Variants in CADM2 observed in about 807,000 individuals in gnomAD.
CADM2 encodes the protein cell adhesion molecule 2, also known as immunoglobulin superfamily member 4D.
CADM2 carries 12 observed loss-of-function variants against 49.8 expected under a neutral mutation model. The observed-to-expected ratio is 0.24, with a 90% CI of 0.15 to 0.39. The LOEUF (loss-of-function observed/expected upper bound fraction) is 0.39, where lower values mean the gene tolerates loss of function less well. Ranked by LOEUF, CADM2 falls within the 10% of genes least tolerant of loss-of-function variation. The probability of loss-of-function intolerance (pLI) is 1.00; values close to 1 mark genes in which losing one functional copy is unlikely to be tolerated. For missense variants in CADM2, 378 were observed against 492.3 expected, an observed-to-expected ratio of 0.77 and a Z score of 2.20; for synonymous variants, 214 against 175.4, an observed-to-expected ratio of 1.22 and a Z score of -1.74.
At chr3:85,212,812 CT>C (rs2041810398) in intron 1 of CADM2, among the ~76,000 whole-genome samples, 5 of 102,542 alleles carry the variant, frequency 4.9e-5, no homozygotes, top group South Asian at 3.7e-4. Context: ...TCTTTTTCTT[CT>C]CTTTCTTTCT....
At position 86,071,311 on chromosome 3, in the gene CADM2, C is replaced by T. The variant is rs1739844692; in HGVS notation, c.*4528C>T. 6.6e-6 allele frequency: 1 copy of T among 151,718 alleles called. No individual in the cohort carries two copies. Among genetic ancestry groups the T allele is most frequent in the Non-Finnish European group, 1.5e-5 (1 of 67,756 alleles). The allele number at this position is 151,718 out of a possible 1,614,324, so 9.4% of individuals were successfully genotyped here. A position where few individuals can be genotyped will look rare whatever the true frequency, so the allele number is the denominator to read the frequency against. ...TAATGGGAATTTTAAAATATCTTTTCTTTTTCTATTCATTTTTTCCCTTTC... is the reference window on the plus strand; with the variant it reads ...TAATGGGAATTTTAAAATATCTTTTTTTTTTCTATTCATTTTTTCCCTTTC... On this transcript the variant is annotated 3_prime_UTR_variant, in exon 10 of 10. Coordinates refer to ENST00000383699, the MANE Select transcript of CADM2 (RefSeq NM_001167675.2).
Position 85,211,807 on chromosome 3 carries a change from A to G in CADM2, c.61+252139A>G, listed in dbSNP as rs557080916. On this transcript the variant is annotated intron_variant, in intron 1 of 9. Coordinates refer to ENST00000383699, the MANE Select transcript of CADM2 (RefSeq NM_001167675.2). ...CTGTTAGGTCTATATGCTATATAGT[A>G]CAAGTTAAGTCTGATGTTTCTTTTT... 1.4e-4 allele frequency among the ~76,000 whole-genome samples: 22 copies of G among 152,274 alleles called. No individual in the cohort carries two copies. In the South Asian group the frequency reaches 1.5e-3, roughly 10 times the overall value.
intron 1 of CADM2, among the ~76,000 whole-genome samples, chr3:85,575,614 A>G (rs1170753126): frequency 6.6e-6 from 1 of 152,184 alleles, no homozygotes; most frequent in Non-Finnish European, 1.5e-5. Flanking sequence ...CTTGTTATCT[A>G]ACAGTATGCT....
intron 1 of CADM2, among the ~76,000 whole-genome samples, chr3:85,275,764 CTA>C (rs942707956): frequency 6.6e-6 from 1 of 150,900 alleles, no homozygotes; most frequent in African/African-American, 2.4e-5. Flanking sequence ...TTGAAACCAA[CTA>C]TATATATAAA....
chr3:85,547,383 T>C (rs2061694023), intron 1 of CADM2, among the ~76,000 whole-genome samples: 1 of 152,326 alleles, frequency 6.6e-6, no homozygotes, highest in African/African-American at 2.4e-5. Context: ...ATTATCCAAA[T>C]AATTAAATCA....
intron 1 of CADM2, among the ~76,000 whole-genome samples, chr3:85,251,328 A>G (rs1475213026): frequency 6.6e-6 from 1 of 151,918 alleles, no homozygotes; most frequent in African/African-American, 2.4e-5. Context: ...TTATTATGAC[A>G]TATTCTGTGG....
chr3:85,990,424 A>C (rs1728639564), intron 8 of CADM2, among the ~76,000 whole-genome samples: 1 of 152,162 alleles, frequency 6.6e-6, no homozygotes, highest in African/African-American at 2.4e-5. Flanking sequence ...TTATATTTTT[A>C]ACTTACAATG....
chr3:85,823,227 A>G (rs192348614), intron 3 of CADM2, among the ~76,000 whole-genome samples: 1 of 152,306 alleles, frequency 6.6e-6, no homozygotes, highest in East Asian at 1.9e-4. Flanking sequence ...TAATAAATAT[A>G]ACAATTTTGT....
At chr3:86,055,807 T>G (rs1031503692) in intron 8 of CADM2, among the ~76,000 whole-genome samples, 8 of 152,296 alleles carry the variant, frequency 5.3e-5, no homozygotes, top group Middle Eastern at 6.8e-3. Flanking sequence ...AACTGATTTT[T>G]TAACAGTGAC....
chr3:85,607,594 T>C (rs1245309284), intron 1 of CADM2, among the ~76,000 whole-genome samples: 1 of 152,148 alleles, frequency 6.6e-6, no homozygotes, highest in Non-Finnish European at 1.5e-5. Flanking sequence ...TTACACATTA[T>C]ATGTCTGTAT....
chr3:85,481,239 T>C (rs1030140033), intron 1 of CADM2, among the ~76,000 whole-genome samples: 7 of 148,856 alleles, frequency 4.7e-5, no homozygotes, highest in South Asian at 2.1e-4. Flanking sequence ...GATATATATA[T>C]ATATATATGT....
intron 1 of CADM2, among the ~76,000 whole-genome samples, chr3:85,649,373 G>T (rs1375450684): frequency 6.6e-6 from 1 of 152,108 alleles, no homozygotes; most frequent in Non-Finnish European, 1.5e-5. Flanking sequence ...ACAGAAAACT[G>T]AAGTAGCCAC....
chr3:85,960,216 C>T (rs1056822202), intron 7 of CADM2, among the ~76,000 whole-genome samples: 1 of 151,916 alleles, frequency 6.6e-6, no homozygotes, highest in South Asian at 2.1e-4. Flanking sequence ...AACTTTTATC[C>T]CTTCTACAAA....
chr3:85,192,186 G>A (rs1170919103), intron 1 of CADM2, among the ~76,000 whole-genome samples: 3 of 151,960 alleles, frequency 2.0e-5, no homozygotes, highest in African/African-American at 7.3e-5. Flanking sequence ...ACTAAATGGT[G>A]TAATTAGGAC....
At chr3:85,292,618 A>G (rs1463734017) in intron 1 of CADM2, among the ~76,000 whole-genome samples, 1 of 151,690 alleles carries the variant, frequency 6.6e-6, no homozygotes, top group Non-Finnish European at 1.5e-5. Flanking sequence ...TCAAACTAGA[A>G]CTCAGGATTA....
At chr3:85,480,449 G>A (rs2039163683) in intron 1 of CADM2, among the ~76,000 whole-genome samples, 1 of 151,804 alleles carries the variant, frequency 6.6e-6, no homozygotes, top group African/African-American at 2.4e-5. Context: ...TCACATAAGT[G>A]CCTTGCCTCA....
chr3:85,157,513 C>T (rs141500579), intron 1 of CADM2, among the ~76,000 whole-genome samples: 2 of 152,046 alleles, frequency 1.3e-5, no homozygotes, highest in African/African-American at 4.8e-5. Flanking sequence ...TGAAACAGAA[C>T]AGAGCCCTCA....
intron 1 of CADM2, among the ~76,000 whole-genome samples, chr3:85,652,554 C>T (rs181745890): frequency 1.3e-3 from 203 of 152,098 alleles, no homozygotes; most frequent in Non-Finnish European, 2.6e-3. Context: ...TCCTCATTGC[C>T]TTTTGGACTG....
intron 1 of CADM2, among the ~76,000 whole-genome samples, chr3:85,649,376 G>A (rs1446667501): frequency 6.6e-6 from 1 of 152,090 alleles, no homozygotes; most frequent in African/African-American, 2.4e-5. Flanking sequence ...GAAAACTGAA[G>A]TAGCCACAAA....
Sources: gnomAD v4.1 joint callset for allele counts (sites outside exome capture counted in the v4.1 genomes callset) on GRCh38, gnomAD v4.1.1 for gene constraint, MANE v1.5 for transcripts, NCBI Gene and HGNC (gene_info 2026-07-23, HGNC 2026-07-21) for gene names.